The following PRKN variants were observed in gnomAD, a reference collection of about 807,000 sequenced individuals.
PRKN encodes parkin RBR E3 ubiquitin protein ligase.
Under a neutral mutation model 59.5 loss-of-function variants are expected in PRKN, and 56 were observed. The observed-to-expected ratio is 0.94, with a 90% confidence interval of 0.76 to 1.18. The LOEUF is 1.18. Ranked by LOEUF, PRKN falls within the 50% of genes most tolerant of loss-of-function variation. The pLI is 0.00. For missense variants in PRKN, 657 were observed against 596.4 expected (o/e 1.10, Z -1.06); for synonymous variants, 250 against 222.1 (o/e 1.13, Z -1.12).
chr6:162,232,035 G>A (rs1026201745), intron 3 of PRKN, among the ~76,000 whole-genome samples: 1 of 152,126 alleles, frequency 6.6e-6, no homozygotes, highest in Non-Finnish European at 1.5e-5. Flanking sequence ...TAACCTCTCA[G>A]GGAGGTTAAT....
rs1438116477 is a variant in PRKN, at chr6:161,680,766, TATATATATA to T, written c.871+104997_871+105005del. Among the ~76,000 whole-genome samples the T allele has an allele frequency of 8.0e-3, 154 of 19,162 alleles. 5 individuals are homozygous for T. Among genetic ancestry groups the T allele is most frequent in the Middle Eastern group, 0.033 (1 of 30 alleles). 12.6% of individuals were successfully genotyped at this position (19,162 alleles called of 152,430 possible). On this transcript the variant is annotated intron_variant, in intron 7 of 11. Transcript: ENST00000366898. ...ATATATATATATATATATATATATA[TATATATATA>T]TTTTTTTTTTTTTTTCTTTTCCTAA...
chr6:162,264,970 C>T (rs575093430), intron 2 of PRKN, among the ~76,000 whole-genome samples: 9 of 152,092 alleles, frequency 5.9e-5, no homozygotes, highest in South Asian at 2.1e-4. Context: ...GTCACCTCCC[C>T]GTTTTAGGCC....
At chr6:161,626,690 A>C (rs1783103390) in intron 7 of PRKN, among the ~76,000 whole-genome samples, 1 of 152,140 alleles carries the variant, frequency 6.6e-6, no homozygotes, top group South Asian at 2.1e-4. Context: ...GAACAAATGC[A>C]CTCAGACACA....
intron 6 of PRKN, among the ~76,000 whole-genome samples, chr6:161,952,943 A>C (rs1163731858): frequency 4.6e-5 from 7 of 152,212 alleles, no homozygotes; most frequent in African/African-American, 1.4e-4. Context: ...TGAGTCAATC[A>C]AGTTAATAGC....
At chr6:162,011,414 T>TTATATATTATAATATATAATATATTA (rs1250703983) in intron 5 of PRKN, among the ~76,000 whole-genome samples, 1 of 15,616 alleles carries the variant, frequency 6.4e-5, no homozygotes, top group African/African-American at 3.7e-4. Flanking sequence ...ATATAATATA[T>TTATATATTATAATATATAATATATTA]TATATTTTAT....
At chr6:162,353,214 T>TAA (rs1312658012) in intron 2 of PRKN, among the ~76,000 whole-genome samples, 2 of 152,130 alleles carry the variant, frequency 1.3e-5, no homozygotes, top group Non-Finnish European at 2.9e-5. Flanking sequence ...TCCATCCCCT[T>TAA]AAGCAATGAA....
chr6:162,544,672 A>ATTTTTT (rs11296683), intron 1 of PRKN, among the ~76,000 whole-genome samples: 11 of 71,508 alleles, frequency 1.5e-4, no homozygotes, highest in Admixed American at 2.0e-4. Context: ...TTTATTGTTG[A>ATTTTTT]TTTTTTTTTT....
chr6:161,901,834 CTG>C (rs895538679), intron 6 of PRKN, among the ~76,000 whole-genome samples: 1 of 152,130 alleles, frequency 6.6e-6, no homozygotes, highest in African/African-American at 2.4e-5. Context: ...CAGGAGGTAA[CTG>C]GAGATTCTCA....
chr6:162,356,404 A>G (rs1583431991), intron 2 of PRKN, among the ~76,000 whole-genome samples: 2 of 151,998 alleles, frequency 1.3e-5, no homozygotes, highest in South Asian at 2.1e-4. Context: ...ACAGTGTTCC[A>G]TGAATATAAT....
At chr6:161,990,419 A>G (rs1781601150) in intron 5 of PRKN, among the ~76,000 whole-genome samples, 1 of 152,258 alleles carries the variant, frequency 6.6e-6, no homozygotes, top group Admixed American at 6.5e-5. Flanking sequence ...GCCAATCCAT[A>G]AAATTGGAAG....
intron 4 of PRKN, among the ~76,000 whole-genome samples, chr6:162,183,634 A>G (rs1366328704): frequency 1.3e-5 from 2 of 152,230 alleles, no homozygotes; most frequent in Non-Finnish European, 2.9e-5. Context: ...TGATAAAACT[A>G]TAAGTTGGGA....
chr6:161,882,807 C>G (rs1178316167), intron 6 of PRKN, among the ~76,000 whole-genome samples: 3 of 150,342 alleles, frequency 2.0e-5, no homozygotes, highest in African/African-American at 7.3e-5. Flanking sequence ...AGTTCGAGAC[C>G]AGCCTGGCCA....
chr6:162,049,269 T>G (rs1476575705), intron 5 of PRKN, among the ~76,000 whole-genome samples: 1 of 151,944 alleles, frequency 6.6e-6, no homozygotes, highest in Non-Finnish European at 1.5e-5. Flanking sequence ...AAATTCAAAA[T>G]TTTAATAAAC....
intron 1 of PRKN, among the ~76,000 whole-genome samples, chr6:162,628,568 C>A (rs1049209691): frequency 7.9e-5 from 12 of 151,516 alleles, no homozygotes; most frequent in African/African-American, 2.7e-4. Flanking sequence ...AAATAGGAGA[C>A]AAATCATATG....
At chr6:161,406,133 CAT>C (rs1369196394) in intron 9 of PRKN, among the ~76,000 whole-genome samples, 1 of 151,354 alleles carries the variant, frequency 6.6e-6, no homozygotes, top group Non-Finnish European at 1.5e-5. Context: ...TATACACACA[CAT>C]ATATATACAT....
chr6:161,351,331 T>C (rs1784543640), intron 11 of PRKN, among the ~76,000 whole-genome samples: 1 of 141,050 alleles, frequency 7.1e-6, no homozygotes, highest in African/African-American at 2.5e-5. Flanking sequence ...ATTATTTCTA[T>C]TTTTTTTTTT....
chr6:162,624,667 C>T (rs1782813491), intron 1 of PRKN: 1 of 152,188 alleles, frequency 6.6e-6, no homozygotes, highest in African/African-American at 2.4e-5. Flanking sequence ...AGGAAGACAG[C>T]TAACACACCA....
At chr6:162,267,878 T>C (rs1562627306) in intron 2 of PRKN, among the ~76,000 whole-genome samples, 1 of 152,158 alleles carries the variant, frequency 6.6e-6, no homozygotes, top group South Asian at 2.1e-4. Flanking sequence ...AAAACTGATG[T>C]ATTTTTCTTT....
intron 1 of PRKN, among the ~76,000 whole-genome samples, chr6:162,562,004 G>A (rs896883194): frequency 2.0e-5 from 3 of 152,054 alleles, no homozygotes; most frequent in African/African-American, 7.2e-5. Flanking sequence ...CCTAATCCCA[G>A]GCTGCACAGT....
Sources: allele counts gnomAD v4.1 joint callset (sites outside exome capture counted in the v4.1 genomes callset), GRCh38; gene constraint gnomAD v4.1.1; transcripts MANE v1.5; gene names NCBI Gene and HGNC (gene_info 2026-07-23, HGNC 2026-07-21).